The following RAB38 variants were observed in gnomAD, a reference collection of about 807,000 sequenced individuals.
RAB38 encodes RAB38, member RAS oncogene family.
Under a neutral mutation model 18.4 loss-of-function variants are expected in RAB38, and 15 were observed. That is an observed-to-expected ratio of 0.82 (90% CI 0.55 to 1.26). The LOEUF (loss-of-function observed/expected upper bound fraction) is 1.26, where lower values mean the gene tolerates loss of function less well. Among genes scored for constraint, RAB38 ranks in the 50% most tolerant of loss-of-function variants. The pLI is 0.00. For synonymous variants in RAB38, 101 were observed against 104.4 expected (o/e 0.97, Z 0.20); for missense variants, 294 against 267.4 (o/e 1.10, Z -0.69).
chr11:88,144,891 G>A (rs1301744244), intron 2 of RAB38, among the ~76,000 whole-genome samples: 1 of 152,156 alleles, frequency 6.6e-6, no homozygotes, highest in East Asian at 1.9e-4. Flanking sequence ...CTACACTAGT[G>A]TTTGTGGTGG....
the RAB38 span, among the ~76,000 whole-genome samples, chr11:87,824,620 C>T: frequency 2.6e-5 from 4 of 151,990 alleles, no homozygotes; most frequent in African/African-American, 9.7e-5. Flanking sequence ...GAGAGAGCTT[C>T]TGGAAATTTA....
chr11:88,044,684 T>C, the RAB38 span, among the ~76,000 whole-genome samples: 2 of 152,186 alleles, frequency 1.3e-5, no homozygotes, highest in African/African-American at 2.4e-5. Context: ...GTTCCCTCTG[T>C]AGTCTCTGTT....
At chr11:87,805,529 C>T in the RAB38 span, among the ~76,000 whole-genome samples, 1 of 151,566 alleles carries the variant, frequency 6.6e-6, no homozygotes, top group Admixed American at 6.6e-5. Context: ...ATAATCTCTG[C>T]TCACAAAAGA....
chr11:87,874,032 C>T, the RAB38 span, among the ~76,000 whole-genome samples: 4 of 148,024 alleles, frequency 2.7e-5, no homozygotes, highest in African/African-American at 9.9e-5. Context: ...CTTTGTGTTA[C>T]TTTTTGATGA....
chr11:87,953,561 A>G, the RAB38 span, among the ~76,000 whole-genome samples: 1 of 152,182 alleles, frequency 6.6e-6, no homozygotes, highest in African/African-American at 2.4e-5. Flanking sequence ...CCTTTAAAAT[A>G]TAATTGTTTA....
chr11:88,041,332 T>A, the RAB38 span, among the ~76,000 whole-genome samples: 1 of 152,180 alleles, frequency 6.6e-6, no homozygotes. Flanking sequence ...CATATGTATC[T>A]CCATTCCTTT....
chr11:88,025,608 G>C, the RAB38 span, among the ~76,000 whole-genome samples: 1 of 151,972 alleles, frequency 6.6e-6, no homozygotes, highest in Admixed American at 6.6e-5. Context: ...GTATTGATTT[G>C]GATTTTTCTG....
chr11:88,140,852 G>C (rs922137429), intron 2 of RAB38, among the ~76,000 whole-genome samples: 1 of 152,200 alleles, frequency 6.6e-6, no homozygotes, highest in Non-Finnish European at 1.5e-5. Flanking sequence ...TCCAGCTTGA[G>C]TGTCTGTATG....
At chr11:87,877,059 C>A in the RAB38 span, among the ~76,000 whole-genome samples, 2 of 151,602 alleles carry the variant, frequency 1.3e-5, no homozygotes, top group Middle Eastern at 3.4e-3. Context: ...CATGAGTGGT[C>A]TTGTGTATAA....
the RAB38 span, among the ~76,000 whole-genome samples, chr11:88,031,918 C>A: frequency 2.0e-4 from 30 of 151,664 alleles, no homozygotes; most frequent in African/African-American, 7.0e-4. Context: ...GCCCGCATCG[C>A]CAAGTCAATC....
At chr11:87,878,222 TACAC>T in the RAB38 span, among the ~76,000 whole-genome samples, 44 of 116,026 alleles carry the variant, frequency 3.8e-4, no homozygotes, top group African/African-American at 1.1e-3. Context: ...TATATATATA[TACAC>T]ACATATATAT....
chr11:88,124,176 A>G (rs755949470), intron 2 of RAB38, among the ~76,000 whole-genome samples: 3 of 152,256 alleles, frequency 2.0e-5, no homozygotes, highest in Non-Finnish European at 4.4e-5. Flanking sequence ...TTGGATTGTC[A>G]ATGATACTAG....
chr11:87,939,385 C>CAT, the RAB38 span, among the ~76,000 whole-genome samples: 1 of 71,292 alleles, frequency 1.4e-5, no homozygotes, highest in Non-Finnish European at 3.0e-5. Context: ...TACATACACA[C>CAT]ACACACACAC....
downstream of RAB38, among the ~76,000 whole-genome samples, chr11:88,112,888 G>A (rs949811940): frequency 2.0e-5 from 3 of 151,986 alleles, no homozygotes; most frequent in Admixed American, 6.6e-5. Context: ...CTACCTGCAC[G>A]TGTCAGCACC....
At chr11:88,022,798 G>A in the RAB38 span, among the ~76,000 whole-genome samples, 2 of 151,998 alleles carry the variant, frequency 1.3e-5, no homozygotes, top group Admixed American at 6.6e-5. Flanking sequence ...ATAGTTGATG[G>A]GCATTTAGGT....
the RAB38 span, among the ~76,000 whole-genome samples, chr11:87,976,798 TTATAA>T: frequency 8.6e-5 from 10 of 116,516 alleles, no homozygotes; most frequent in African/African-American, 2.8e-4. Flanking sequence ...TAATATATAC[TTATAA>T]TATATTATAT....
the RAB38 span, among the ~76,000 whole-genome samples, chr11:87,928,081 T>C: frequency 4.4e-4 from 66 of 150,182 alleles, no homozygotes; most frequent in South Asian, 0.012. Context: ...CTGAAAAAAA[T>C]AAGAAAACAG....
the RAB38 span, among the ~76,000 whole-genome samples, chr11:87,940,985 T>G: frequency 4.2e-4 from 64 of 151,766 alleles, no homozygotes; most frequent in African/African-American, 1.5e-3. Context: ...AACACTCCTT[T>G]GGTTTGATCA....
At chr11:87,901,439 G>T in the RAB38 span, among the ~76,000 whole-genome samples, 1 of 151,546 alleles carries the variant, frequency 6.6e-6, no homozygotes, top group African/African-American at 2.4e-5. Flanking sequence ...ATTCCATAAA[G>T]TAAGTGTAAT....
Sources: allele counts gnomAD v4.1 joint callset (sites outside exome capture counted in the v4.1 genomes callset), GRCh38; gene constraint gnomAD v4.1.1; transcripts MANE v1.5; gene names NCBI Gene and HGNC (gene_info 2026-07-23, HGNC 2026-07-21).